JAM2: variants seen among roughly 807,000 people sequenced by gnomAD.
JAM2 encodes the protein junctional adhesion molecule B.
A neutral mutation model predicts 42.0 loss-of-function variants in JAM2; 17 were observed. The observed-to-expected ratio is 0.40, with a 90% CI of 0.28 to 0.61. The LOEUF is 0.61. Among genes scored for constraint, JAM2 ranks in the 20% least tolerant of loss-of-function variants. The pLI is 0.37. For synonymous variants in JAM2, 118 were observed against 128.6 expected, an observed-to-expected ratio of 0.92 and a Z score of 0.56; for missense variants, 319 against 358.3, an observed-to-expected ratio of 0.89 and a Z score of 0.89.
chr21:25,662,329 G>A (rs1297361296), intron 1 of JAM2, among the ~76,000 whole-genome samples: 1 of 151,758 alleles, frequency 6.6e-6, no homozygotes, highest in Admixed American at 6.6e-5. Context: ...TGTTTTTGTT[G>A]TGTAGAGACA....
At chr21:25,695,913 C>G (rs1047654161) in intron 4 of JAM2, among the ~76,000 whole-genome samples, 1 of 150,954 alleles carries the variant, frequency 6.6e-6, no homozygotes, top group African/African-American at 2.4e-5. Flanking sequence ...ACTGGGCAGC[C>G]AGGCAGAGGG....
intron 7 of JAM2, 103 bp from the exon 8 acceptor site, chr21:25,709,331 T>C: frequency 1.5e-6 from 1 of 657,664 alleles, no homozygotes; most frequent in Non-Finnish European, 2.5e-6. Flanking sequence ...CAAGTGAAGA[T>C]TAAAATTAAT....
intron 1 of JAM2, among the ~76,000 whole-genome samples, 168 bp from the exon 2 acceptor site, chr21:25,683,715 A>G (rs1426955686): frequency 1.3e-5 from 2 of 152,128 alleles, no homozygotes; most frequent in African/African-American, 2.4e-5. Context: ...AAACATGTAT[A>G]GTTTCATTTG....
intron 1 of JAM2, among the ~76,000 whole-genome samples, chr21:25,677,302 C>T (rs1383297212): frequency 1.3e-5 from 2 of 151,998 alleles, no homozygotes; most frequent in African/African-American, 4.8e-5. Context: ...CATAATTTTG[C>T]CAATTCAACT....
intron 1 of JAM2, among the ~76,000 whole-genome samples, chr21:25,654,679 C>T (rs1039807918): frequency 2.1e-5 from 3 of 144,446 alleles, no homozygotes; most frequent in Non-Finnish European, 3.0e-5. Context: ...ATTGGAAGCA[C>T]ATAGCACTCC....
rs2034262429 is a variant in JAM2, at chr21:25,705,988, A to G, written c.707A>G (p.Asn236Ser). 4 of 1,608,782 alleles carry G rather than the reference A, an allele frequency of 2.5e-6. No individual in the cohort carries two copies. In the East Asian group the frequency reaches 8.9e-5, roughly 36 times the overall value. The stretch of plus-strand genomic sequence containing the variant: ...TTATTTTACATTCCAGATGATCTCA[A>G]CATAAGTGGCATCATAGCAGCCGTA... The part of the protein sequence containing the change: ...PGKRMQVDDL[N>S]ISGIIAAVVV... Residue 236 changes from asparagine (N) to serine (S), a missense_variant, in exon 7 of 10, where the codon AAC becomes AGC. Transcript: ENST00000480456.
chr21:25,669,372 AAAAAAAAG>A (rs771354073), intron 1 of JAM2, among the ~76,000 whole-genome samples: 15,959 of 134,668 alleles, frequency 0.12, 963 homozygotes, highest in South Asian at 0.27. Context: ...ACCCTGTCTC[AAAAAAAAG>A]AAAAAAAAGA....
At chr21:25,669,057 A>G (rs1215969590) in intron 1 of JAM2, among the ~76,000 whole-genome samples, 1 of 152,188 alleles carries the variant, frequency 6.6e-6, no homozygotes, top group African/African-American at 2.4e-5. Context: ...TTCCACTGTA[A>G]TGAAATAGTC....
chr21:25,666,412 C>G (rs568478236), intron 1 of JAM2, among the ~76,000 whole-genome samples: 104 of 152,016 alleles, frequency 6.8e-4, no homozygotes, highest in African/African-American at 2.3e-3. Flanking sequence ...GCAACCTCTG[C>G]CTCCCGGGTT....
At position 25,675,523 on chromosome 21, in the gene JAM2, A is replaced by G. The variant is rs796899774; in HGVS notation, c.68-8360A>G. On this transcript the variant is annotated intron_variant, in intron 1 of 9. Transcript: ENST00000480456. ...AAAAAGAAAGAGAGAGAGGAGAGAG[A>G]GAGAAAGAGAGAGAGAGAGGAAGGA... Among the ~76,000 whole-genome samples the G allele has an allele frequency of 6.2e-5, 9 of 145,254 alleles. No individual in the cohort carries two copies. In the East Asian group the frequency reaches 1.7e-3, roughly 28 times the overall value.
chr21:25,680,702 T>C (rs1164857128), intron 1 of JAM2, among the ~76,000 whole-genome samples: 1 of 152,198 alleles, frequency 6.6e-6, no homozygotes, highest in East Asian at 1.9e-4. Flanking sequence ...AAATAAATGC[T>C]AGTTGGGTCA....
intron 1 of JAM2, among the ~76,000 whole-genome samples, chr21:25,665,642 T>C (rs1406346265): frequency 1.3e-5 from 2 of 152,154 alleles, no homozygotes; most frequent in Non-Finnish European, 2.9e-5. Flanking sequence ...GCTGGCAGAA[T>C]TCCCTCCTGC....
At chr21:25,687,154 C>T (rs2033768940) in intron 2 of JAM2, among the ~76,000 whole-genome samples, 1 of 152,118 alleles carries the variant, frequency 6.6e-6, no homozygotes, top group Non-Finnish European at 1.5e-5. Context: ...GGCAAGCTTG[C>T]AACTATAACT....
intron 3 of JAM2, among the ~76,000 whole-genome samples, chr21:25,691,739 A>T (rs1373536050): frequency 2.0e-5 from 3 of 152,148 alleles, no homozygotes; most frequent in African/African-American, 7.2e-5. Context: ...TCTTTAAAAT[A>T]TAACATGGGG....
At chr21:25,695,254 C>G (rs2033978096) in intron 4 of JAM2, among the ~76,000 whole-genome samples, 1 of 152,272 alleles carries the variant, frequency 6.6e-6, no homozygotes, top group Admixed American at 6.5e-5. Context: ...CCATTTAACC[C>G]TGAGTGGACA....
At chr21:25,687,693 AT>A (rs1460804796) in intron 2 of JAM2, among the ~76,000 whole-genome samples, 1 of 152,222 alleles carries the variant, frequency 6.6e-6, no homozygotes, top group Non-Finnish European at 1.5e-5. Flanking sequence ...AAATCAAGGC[AT>A]TAGTACCCAA....
Position 25,639,558 on chromosome 21 carries a change from A to C in JAM2, c.-264A>C. The stretch of plus-strand genomic sequence containing the variant: ...CCGGCGGACGCCTCGTCTGGTTTTC[A>C]CGCCCTCTAGCCCCTACCCCCACAC... On this transcript the variant is annotated 5_prime_UTR_variant, in exon 1 of 10. Transcript: ENST00000480456. 1 of 367,378 alleles carries C rather than the reference A, an allele frequency of 2.7e-6. No homozygotes were observed. The highest frequency in any genetic ancestry group is 1.2e-4 in the South Asian group (1 of 8,256). The allele number at this position is 367,378 out of a possible 1,614,324, so 22.8% of individuals were successfully genotyped here. A position where few individuals can be genotyped will look rare whatever the true frequency, so the allele number is the denominator to read the frequency against.
chr21:25,708,192 G>A (rs1356377664), intron 7 of JAM2, among the ~76,000 whole-genome samples: 2 of 152,084 alleles, frequency 1.3e-5, no homozygotes, highest in Non-Finnish European at 2.9e-5. Flanking sequence ...AATATAAAAT[G>A]TGTTCCTAAT....
rs200303248 is a variant in JAM2 at position 25,698,769 on chromosome 21, G to A, written c.487G>A (p.Ala163Thr). 6.2e-7 allele frequency: 1 copy of A among 1,614,000 alleles called. No homozygotes were observed. Among genetic ancestry groups the A allele is most frequent in the Non-Finnish European group, 8.5e-7 (1 of 1,179,998 alleles). Reference protein sequence around the residue: ...LRCQDKEGNPAPEYTWFKDGI... With the variant: ...LRCQDKEGNPTPEYTWFKDGI... ...ATGTCAAGACAAAGAAGGGAATCCA[G>A]CTCCTGAATACACATGGTTTAAGGA... The change falls in exon 5 of 10, where the codon GCT becomes ACT. Residue 163 changes from alanine to threonine, a missense_variant. Physicochemically the swap from Ala to Thr is moderately conservative, Grantham distance 58 (BLOSUM62 0). Transcript: ENST00000480456.
Sources: allele counts gnomAD v4.1 joint callset (sites outside exome capture counted in the v4.1 genomes callset), GRCh38; gene constraint gnomAD v4.1.1; transcripts MANE v1.5; gene names NCBI Gene and HGNC (gene_info 2026-07-23, HGNC 2026-07-21).